The following RIPOR2 variants were observed in gnomAD, a reference collection of about 807,000 sequenced individuals.
RIPOR2 encodes RHO family interacting cell polarization regulator 2.
Under a neutral mutation model 114.5 loss-of-function variants are expected in RIPOR2, and 39 were observed. The observed-to-expected ratio is 0.34, with a 90% CI of 0.26 to 0.44. The LOEUF is 0.44. Among genes scored for constraint, RIPOR2 ranks in the 20% least tolerant of loss-of-function variants. The pLI is 1.00. For synonymous variants in RIPOR2, 445 were observed against 484.4 expected (o/e 0.92, Z 1.07); for missense variants, 1,007 against 1,255.1 (o/e 0.80, Z 2.99).
At position 24,921,184 on chromosome 6, in the gene RIPOR2, A is replaced by G. The variant is rs921897402; in HGVS notation, c.61+14654T>C. On this transcript the variant is annotated intron_variant, in intron 1 of 21. Transcript: ENST00000643898. ...TCTCTCTCTCTTTTTTTTTGAGGAG[A>G]CAGAGTCTTGCTCTGTCACCCAGGC... is the stretch of plus-strand genomic sequence containing the variant. Among the ~76,000 whole-genome samples, 14 of 151,968 alleles carry G rather than the reference A, an allele frequency of 9.2e-5. 1 individual carries two copies. Among genetic ancestry groups the G allele is most frequent in the Middle Eastern group, 3.4e-3 (1 of 294 alleles).
intron 1 of RIPOR2, among the ~76,000 whole-genome samples, chr6:24,921,016 ATCC>A (rs1223334597): frequency 6.6e-6 from 1 of 152,190 alleles, no homozygotes; most frequent in African/African-American, 2.4e-5. Flanking sequence ...AGTCAGAATG[ATCC>A]TTTTGTAAGG....
intron 1 of RIPOR2, among the ~76,000 whole-genome samples, chr6:24,928,755 C>T (rs1210062926): frequency 6.6e-6 from 1 of 152,206 alleles, no homozygotes; most frequent in Admixed American, 6.5e-5. Flanking sequence ...GAAATAATTG[C>T]TGTCTAGGAC....
At chr6:25,024,346 C>T (rs1343490327) in intron 1 of RIPOR2, 67 of 1,439,028 alleles carry the variant, frequency 4.7e-5, no homozygotes, top group Middle Eastern at 2.4e-4. Flanking sequence ...TTCCTGGCTT[C>T]CTCGAAGTCT....
intron 1 of RIPOR2, among the ~76,000 whole-genome samples, chr6:24,898,950 GTTT>G (rs10584291): frequency 0.032 from 4,057 of 127,328 alleles, 173 homozygotes; most frequent in African/African-American, 0.1. Context: ...TCAGGGAGTA[GTTT>G]TTTTTTTTTT....
intron 1 of RIPOR2, among the ~76,000 whole-genome samples, chr6:24,922,392 T>C (rs937924637): frequency 6.6e-6 from 1 of 152,244 alleles, no homozygotes; most frequent in Admixed American, 6.5e-5. Context: ...CAGATATGCT[T>C]AGCCTTGGTC....
At chr6:24,970,890 C>T (rs916677539) in intron 1 of RIPOR2, among the ~76,000 whole-genome samples, 1 of 44,664 alleles carries the variant, frequency 2.2e-5, no homozygotes, top group African/African-American at 3.4e-5. Flanking sequence ...TGAGACATTG[C>T]ACAAATTTTT....
chr6:24,940,423 A>G (rs756196395), upstream of RIPOR2, among the ~76,000 whole-genome samples: 35 of 152,184 alleles, frequency 2.3e-4, no homozygotes, highest in South Asian at 4.1e-4. Flanking sequence ...AAAAACCTGA[A>G]CTAATTAGGA....
At chr6:24,979,837 T>C (rs1174445593) in intron 1 of RIPOR2, among the ~76,000 whole-genome samples, 6 of 152,192 alleles carry the variant, frequency 3.9e-5, no homozygotes, top group Non-Finnish European at 7.3e-5. Flanking sequence ...ACTGCCTTTG[T>C]AAGTAACCAG....
At chr6:24,946,671 G>T (rs551131725) in intron 1 of RIPOR2, among the ~76,000 whole-genome samples, 323 of 152,292 alleles carry the variant, frequency 2.1e-3, no homozygotes, top group Admixed American at 4.1e-3. Flanking sequence ...GCAGGGACTG[G>T]GATCAGGGGG....
chr6:24,943,784 A>T (rs189696410), intron 1 of RIPOR2, among the ~76,000 whole-genome samples: 1 of 152,312 alleles, frequency 6.6e-6, no homozygotes, highest in Admixed American at 6.5e-5. Flanking sequence ...ATGGAGATAA[A>T]GCTTCTTCAA....
intron 14 of RIPOR2, among the ~76,000 whole-genome samples, chr6:24,838,476 T>C (rs989950417): frequency 6.6e-6 from 1 of 152,260 alleles, no homozygotes; most frequent in East Asian, 1.9e-4. Context: ...TGGGGTCAAG[T>C]TGTAGACACT....
At chr6:24,889,426 T>G (rs1193405730) in intron 1 of RIPOR2, among the ~76,000 whole-genome samples, 1 of 152,242 alleles carries the variant, frequency 6.6e-6, no homozygotes, top group East Asian at 1.9e-4. Flanking sequence ...CGATGTGTTC[T>G]GATTGATTTT....
At chr6:24,818,482 C>A in intron 20 of RIPOR2, 60 bp downstream of exon 20, 1 of 1,007,608 alleles carries the variant, frequency 9.9e-7, no homozygotes, top group Non-Finnish European at 1.5e-6. Flanking sequence ...CTGTTATATA[C>A]ACTCAGCTTA....
chr6:24,843,698 CGTGTGTGTGTGTGTGTGTGTGTGT>C (rs34540028), intron 12 of RIPOR2, 144 bp from the exon 13 acceptor site: 7 of 368,244 alleles, frequency 1.9e-5, no homozygotes, highest in Non-Finnish European at 3.4e-5. Flanking sequence ...TTGTTGATGC[CGTGTGTGTGTGTGTGTGTGTGTGT>C]GTGTGTGTGT....
At chr6:24,974,383 C>CAAACAAACAAAA (rs111517803) in intron 1 of RIPOR2, among the ~76,000 whole-genome samples, 16,718 of 150,502 alleles carry the variant, frequency 0.11, 2,060 homozygotes, top group African/African-American at 0.31. Flanking sequence ...AACCAAAAAA[C>CAAACAAACAAAA]AAACAAACAA....
intron 13 of RIPOR2, chr6:24,840,274 G>A (rs1441499827): frequency 1.9e-6 from 2 of 1,034,968 alleles, no homozygotes; most frequent in Non-Finnish European, 2.3e-6. Flanking sequence ...TGAGGACTGA[G>A]GAAAGAATGA....
In RIPOR2 at chr6:24,840,207, G is replaced by A. The variant is rs1021825894; in HGVS notation, c.1858-935C>T. 5.1e-6 allele frequency: 5 copies of A among 979,146 alleles called. No homozygotes were observed. In the African/African-American group the frequency reaches 5.3e-5, roughly 10 times the overall value. The allele number at this position is 979,146 out of a possible 1,614,324, so 60.7% of individuals were successfully genotyped here. On this transcript the variant is annotated intron_variant, in intron 13 of 21. Transcript: ENST00000643898. ...CTCCAGCAATCCTGGGCTTCCCAAA[G>A]TGTTGGGATTACAGGCATGAGCCAC...
At position 24,808,917 on chromosome 6, in the gene RIPOR2, A is replaced by G. The variant is rs552605923; in HGVS notation, c.3043+800T>C. Among the ~76,000 whole-genome samples the G allele has an allele frequency of 2.2e-3, 332 of 151,792 alleles. 2 individuals are homozygous for G. Among genetic ancestry groups the G allele is most frequent in the Admixed American group, 6.0e-3 (92 of 15,240 alleles). Reference sequence around the variant, plus strand: ...TGGGACTACAGGTGCACCCCACCACACCTGGCTAATTTTTGTATTTTTAGT... The same window carrying G: ...TGGGACTACAGGTGCACCCCACCACGCCTGGCTAATTTTTGTATTTTTAGT... On this transcript the variant is annotated intron_variant, in intron 21 of 21. Transcript: ENST00000643898.
intron 1 of RIPOR2, among the ~76,000 whole-genome samples, chr6:24,944,170 T>C (rs556109047): frequency 1.8e-4 from 28 of 152,274 alleles, no homozygotes; most frequent in African/African-American, 6.7e-4. Flanking sequence ...AGAAAATACT[T>C]GAGAAGGCCC....
Sources: allele counts gnomAD v4.1 joint callset (sites outside exome capture counted in the v4.1 genomes callset), GRCh38; gene constraint gnomAD v4.1.1; transcripts MANE v1.5; gene names NCBI Gene and HGNC (gene_info 2026-07-23, HGNC 2026-07-21).